Variants in RGS6 observed in about 807,000 individuals in gnomAD.
RGS6 encodes regulator of G-protein signaling 6.
A neutral mutation model predicts 78.5 loss-of-function variants in RGS6; 30 were observed. The observed-to-expected ratio is 0.38, with a 90% CI of 0.29 to 0.52. The LOEUF is 0.52. Among genes scored for constraint, RGS6 ranks in the 20% least tolerant of loss-of-function variants. RGS6 has a pLI of 0.85. For synonymous variants in RGS6, 206 were observed against 206.0 expected (o/e 1.00, Z 0.00); for missense variants, 495 against 609.7 (o/e 0.81, Z 1.98).
At chr14:72,104,845 A>G (rs955796679) in intron 2 of RGS6, among the ~76,000 whole-genome samples, 80 of 152,206 alleles carry the variant, frequency 5.3e-4, no homozygotes, top group Non-Finnish European at 1.5e-5. Flanking sequence ...GGTAGGGTAC[A>G]GAATTCTGTG....
chr14:72,397,859 A>AT (rs565183475), intron 3 of RGS6, among the ~76,000 whole-genome samples: 23 of 151,940 alleles, frequency 1.5e-4, no homozygotes, highest in African/African-American at 5.3e-4. Flanking sequence ...ACGTTTATTG[A>AT]TTTTCGTATG....
intron 17 of RGS6, among the ~76,000 whole-genome samples, chr14:72,544,386 G>T (rs1400428129): frequency 1.3e-5 from 2 of 152,146 alleles, no homozygotes; most frequent in African/African-American, 4.8e-5. Flanking sequence ...ACCTTTGGAG[G>T]CTCAGTTGAA....
chr14:72,542,901 T>C (rs2097345111), intron 17 of RGS6, among the ~76,000 whole-genome samples: 2 of 151,488 alleles, frequency 1.3e-5, no homozygotes, highest in South Asian at 2.1e-4. Flanking sequence ...TAAGGAGACA[T>C]TTAATATGGT....
chr14:72,553,849 C>T (rs939613715), intron 17 of RGS6, among the ~76,000 whole-genome samples: 2 of 152,222 alleles, frequency 1.3e-5, no homozygotes, highest in African/African-American at 4.8e-5. Context: ...CACATTTCTA[C>T]ACACTACACC....
intron 2 of RGS6, among the ~76,000 whole-genome samples, chr14:72,318,883 G>A (rs547856916): frequency 2.0e-5 from 3 of 152,272 alleles, no homozygotes; most frequent in East Asian, 1.9e-4. Context: ...GTGGCACTAC[G>A]GCAGCCTGTT....
chr14:71,883,924 AC>A, the RGS6 span, among the ~76,000 whole-genome samples: 1 of 151,752 alleles, frequency 6.6e-6, no homozygotes, highest in African/African-American at 2.4e-5. Context: ...TGAATAATCC[AC>A]CCCCTGTTTA....
intron 2 of RGS6, among the ~76,000 whole-genome samples, chr14:72,326,224 C>T (rs1191179119): frequency 6.6e-6 from 1 of 152,034 alleles, no homozygotes; most frequent in Non-Finnish European, 1.5e-5. Context: ...CCTATGTCCA[C>T]GAAGGATATA....
At chr14:72,326,082 C>T (rs2073678509) in intron 2 of RGS6, among the ~76,000 whole-genome samples, 1 of 152,160 alleles carries the variant, frequency 6.6e-6, no homozygotes, top group Non-Finnish European at 1.5e-5. Flanking sequence ...TGTACTTGCA[C>T]TTGTGTGAAT....
intron 17 of RGS6, among the ~76,000 whole-genome samples, chr14:72,561,156 A>G (rs1287495812): frequency 2.6e-5 from 4 of 152,184 alleles, no homozygotes; most frequent in Non-Finnish European, 5.9e-5. Flanking sequence ...GGACCCTACC[A>G]GGCTTCACAA....
At chr14:72,105,274 A>G (rs541065115) in intron 2 of RGS6, among the ~76,000 whole-genome samples, 183 of 152,296 alleles carry the variant, frequency 1.2e-3, no homozygotes, top group African/African-American at 4.4e-3. Flanking sequence ...TTCCATTTTT[A>G]CCCAAGTAAA....
intron 1 of RGS6, among the ~76,000 whole-genome samples, chr14:71,960,146 G>C (rs936418512): frequency 6.6e-6 from 1 of 152,206 alleles, no homozygotes; most frequent in Non-Finnish European, 1.5e-5. Flanking sequence ...TGTCAGTTTG[G>C]AGTAGACTTG....
At chr14:71,932,160 G>C (rs2087919950), upstream of RGS6, among the ~76,000 whole-genome samples, 1 of 152,244 alleles carries the variant, frequency 6.6e-6, no homozygotes, top group Admixed American at 6.5e-5. Flanking sequence ...GCGGCTTCTT[G>C]AGGATGAGGC....
At chr14:72,047,902 T>G (rs954352379) in intron 2 of RGS6, among the ~76,000 whole-genome samples, 1 of 146,660 alleles carries the variant, frequency 6.8e-6, no homozygotes. Context: ...ATTTTTGTTT[T>G]TTTTTTTTTT....
the RGS6 span, among the ~76,000 whole-genome samples, chr14:71,874,955 G>T: frequency 3.3e-5 from 5 of 152,174 alleles, no homozygotes; most frequent in South Asian, 2.1e-4. Context: ...TTACTGATTT[G>T]CGTATGTTGA....
rs59274317 is a variant in RGS6 at position 72,001,895 on chromosome 14, C to CTTTTTTTTT, written c.84+37037_84+37045dup. 3.7e-3 allele frequency among the ~76,000 whole-genome samples: 339 copies of CTTTTTTTTT among 92,500 alleles called. 22 individuals carry two copies. Among genetic ancestry groups the CTTTTTTTTT allele is most frequent in the African/African-American group, 0.014 (307 of 22,732 alleles). 60.7% of individuals were successfully genotyped at this position (92,500 alleles called of 152,430 possible). On this transcript the variant is annotated intron_variant, in intron 2 of 17. Transcript: ENST00000553525. ...TTGAAGTGTTTAGACATCCATTAATCTTTTTTTTTTTTTTTTTTTTTTTTT... is the reference window on the plus strand; with the variant it reads ...TTGAAGTGTTTAGACATCCATTAATCTTTTTTTTTTTTTTTTTTTTTTTTTTTTTTTTTT...
At chr14:72,112,067 A>G (rs556712655) in intron 2 of RGS6, among the ~76,000 whole-genome samples, 2 of 152,148 alleles carry the variant, frequency 1.3e-5, no homozygotes. Flanking sequence ...TCTTAGAGCA[A>G]TATGGCTCTA....
chr14:72,333,879 G>A (rs528108187), intron 2 of RGS6, among the ~76,000 whole-genome samples: 15 of 152,222 alleles, frequency 9.9e-5, no homozygotes, highest in African/African-American at 3.1e-4. Context: ...ACACACATAC[G>A]CACACCAGAT....
intron 6 of RGS6, among the ~76,000 whole-genome samples, chr14:72,464,876 C>G (rs751279308): frequency 2.6e-5 from 4 of 152,166 alleles, no homozygotes; most frequent in Non-Finnish European, 4.4e-5. Context: ...GTGCTAGCAA[C>G]AGGGATGAAA....
intron 17 of RGS6, among the ~76,000 whole-genome samples, chr14:72,556,697 G>T (rs2153543611): frequency 7.0e-6 from 1 of 143,588 alleles, no homozygotes; most frequent in African/African-American, 2.7e-5. Flanking sequence ...GGGCGGGGTG[G>T]GGGGTGCTGT....
Sources: allele counts gnomAD v4.1 joint callset (sites outside exome capture counted in the v4.1 genomes callset), GRCh38; gene constraint gnomAD v4.1.1; transcripts MANE v1.5; gene names NCBI Gene and HGNC (gene_info 2026-07-23, HGNC 2026-07-21).